Variants in PRKX observed in about 807,000 individuals in gnomAD.
PRKX encodes the protein protein kinase cAMP-dependent X-linked catalytic subunit.
In PRKX, 12 loss-of-function variants were observed where a neutral mutation model predicts 22.0. The observed-to-expected ratio is 0.54, with a 90% confidence interval of 0.35 to 0.88. PRKX has a LOEUF of 0.88. Among genes scored for constraint, PRKX ranks in the 40% least tolerant of loss-of-function variants. The pLI is 0.01. For missense variants in PRKX, 217 were observed against 308.0 expected, an observed-to-expected ratio of 0.70 and a Z score of 2.21; for synonymous variants, 134 against 137.7, an observed-to-expected ratio of 0.97 and a Z score of 0.19.
intron 4 of PRKX, among the ~76,000 whole-genome samples, chrX:3,629,119 C>T (rs980529210): frequency 6.2e-5 from 7 of 112,399 alleles, no homozygotes; most frequent in Admixed American, 4.7e-4. Context: ...GAACAGGACA[C>T]CTTTCTCGAG....
chrX:3,631,792 C>G (rs1454703631), intron 4 of PRKX, among the ~76,000 whole-genome samples: 4 of 112,427 alleles, frequency 3.6e-5, no homozygotes, highest in African/African-American at 9.7e-5. Context: ...GATGCTGGAG[C>G]CCCCAGGAAC....
intron 1 of PRKX, among the ~76,000 whole-genome samples, chrX:3,689,604 C>CT (rs1928257719): frequency 8.9e-6 from 1 of 111,814 alleles, no homozygotes; most frequent in African/African-American, 3.3e-5. Flanking sequence ...CACTTGAGCC[C>CT]AGGAGTTCAA....
At chrX:3,660,761 T>C (rs1927578111) in intron 2 of PRKX, among the ~76,000 whole-genome samples, 1 of 111,682 alleles carries the variant, frequency 9.0e-6, no homozygotes, top group Admixed American at 9.6e-5. Flanking sequence ...ACGCAAGCCC[T>C]GACAATACAA....
chrX:3,688,629 GAA>G (rs1186741694), intron 1 of PRKX, among the ~76,000 whole-genome samples: 2 of 110,660 alleles, frequency 1.8e-5, no homozygotes, highest in African/African-American at 6.6e-5. Context: ...TTAGAAGGCT[GAA>G]GCAGAAGGAT....
intron 6 of PRKX, among the ~76,000 whole-genome samples, chrX:3,617,587 A>G (rs748785135): frequency 1.8e-5 from 2 of 110,765 alleles, no homozygotes; most frequent in East Asian, 5.7e-4. Context: ...TCAAGGCTGC[A>G]GTGAGCTGTG....
Position 3,626,502 on chromosome X carries a change from A to T in PRKX, c.732T>A (p.Phe244Leu). ...IFEMLSGFPP[F>L]FDDNPFGIYQ... is the part of the protein sequence containing the mutation. ...AAATGCCAAACGGGTTGTCATCAAAAAACGGAGGAAACCTGTTAGAAAAAC... is the reference window on the plus strand; with the variant it reads ...AAATGCCAAACGGGTTGTCATCAAATAACGGAGGAAACCTGTTAGAAAAAC... Residue 244 changes from phenylalanine to leucine, a missense_variant, in exon 5 of 9, where the codon TTT (phenylalanine) becomes TTA (leucine). Coordinates refer to ENST00000262848, the MANE Select transcript of PRKX (RefSeq NM_005044.5). 1.7e-6 allele frequency: 2 copies of T among 1,206,740 alleles called. No individual in the cohort carries two copies. Among genetic ancestry groups the T allele is most frequent in the Non-Finnish European group, 2.2e-6 (2 of 890,876 alleles).
Position 3,615,780 on chromosome X carries a change from G to A in PRKX, c.951+35C>T, listed in dbSNP as rs201619179. On this transcript the variant is annotated intron_variant, in intron 7 of 8. Coordinates refer to ENST00000262848, the MANE Select transcript of PRKX (RefSeq NM_005044.5). ...GCAGTCCCTGCTAATGGAAGAGCTC[G>A]GGCATACTGAGTCACCCACTGATAT... The A allele has an allele frequency of 3.9e-5, 44 of 1,135,398 alleles. No homozygotes were observed. In the African/African-American group the frequency reaches 5.8e-4, roughly 15 times the overall value. The allele number at this position is 1,135,398 out of a possible 1,213,427, so 93.6% of individuals were successfully genotyped here.
intron 4 of PRKX, among the ~76,000 whole-genome samples, chrX:3,639,404 GGGGTGGGTGCA>G (rs1378310772): frequency 8.5e-5 from 1 of 11,723 alleles, no homozygotes; most frequent in Non-Finnish European, 1.7e-4. Flanking sequence ...GAGGGGTGGG[GGGGTGGGTGCA>G]TGGATGGATG....
At chrX:3,695,866 C>T (rs12387694) in intron 1 of PRKX, among the ~76,000 whole-genome samples, 1,233 of 111,720 alleles carry the variant, frequency 0.011, 21 homozygotes, top group African/African-American at 0.038. Flanking sequence ...CAGGTTTCTT[C>T]GGTGTAAATG....
At chrX:3,698,616 G>A (rs1269390513) in intron 1 of PRKX, among the ~76,000 whole-genome samples, 1 of 111,061 alleles carries the variant, frequency 9.0e-6, no homozygotes, top group Non-Finnish European at 1.9e-5. Flanking sequence ...TCTCACTGCC[G>A]CTCAGGCTGG....
chrX:3,642,128 T>C (rs1335842978), intron 3 of PRKX, among the ~76,000 whole-genome samples, 157 bp from the exon 4 acceptor site: 4 of 111,052 alleles, frequency 3.6e-5, no homozygotes, highest in Admixed American at 1.9e-4. Context: ...GACAGTAACA[T>C]TGTTTTCGCT....
rs762522125 is a variant in PRKX, at chrX:3,612,278, G to A, written c.999C>T (p.Phe333=). Residue 333 remains phenylalanine, a synonymous_variant, in exon 8 of 9, where the codon TTC becomes TTT. Transcript: ENST00000262848. The stretch of plus-strand genomic sequence containing the variant: ...CCCAGTCATTCTCAGGGTAAGTTTC[G>A]AAGTTGGAAGTGTCGCCGTCACCAG... ...KIAGDGDTSN[F]ETYPENDWDT... is the part of the protein sequence containing the mutation. 6.8e-5 allele frequency: 82 copies of A among 1,208,483 alleles called. No individual in the cohort carries two copies. Among genetic ancestry groups the A allele is most frequent in the Admixed American group, 1.5e-4 (7 of 45,445 alleles).
intron 1 of PRKX, among the ~76,000 whole-genome samples, chrX:3,696,073 G>A (rs1928436652): frequency 1.8e-5 from 2 of 111,000 alleles, no homozygotes; most frequent in African/African-American, 6.6e-5. Flanking sequence ...GGGGCCTTTG[G>A]GAGGTGTTGA....
chrX:3,664,648 C>T (rs1320166468), intron 2 of PRKX, among the ~76,000 whole-genome samples: 2 of 112,182 alleles, frequency 1.8e-5, no homozygotes, highest in Non-Finnish European at 3.8e-5. Flanking sequence ...AAAATAAAAT[C>T]ATGTCTTTTG....
intron 1 of PRKX, among the ~76,000 whole-genome samples, chrX:3,684,781 G>A (rs1163656578): frequency 4.5e-5 from 5 of 110,853 alleles, no homozygotes; most frequent in Non-Finnish European, 9.5e-5. Context: ...TCCTCTATGT[G>A]CGTCTGTGTC....
intron 1 of PRKX, among the ~76,000 whole-genome samples, chrX:3,682,947 A>G (rs1370047836): frequency 9.1e-6 from 1 of 110,129 alleles, no homozygotes; most frequent in African/African-American, 3.3e-5. Flanking sequence ...TTCCTGTAAG[A>G]GAAGAAGAGA....
In PRKX at chrX:3,666,257, C is replaced by A. The variant is rs1435366115; in HGVS notation, c.335+8341G>T. Among the ~76,000 whole-genome samples the A allele has an allele frequency of 3.8e-5, 4 of 106,059 alleles. No individual in the cohort carries two copies. The South Asian group carries it at 1.7e-3, about 46-fold the overall frequency. 92.1% of individuals were successfully genotyped at this position (106,059 alleles called of 115,157 possible). On this transcript the variant is annotated intron_variant, in intron 2 of 8. Coordinates refer to ENST00000262848, the MANE Select transcript of PRKX (RefSeq NM_005044.5). Reference sequence around the variant, plus strand: ...GCAAACTCTGCCTCCCAGGTTCATGCCGTTCTCCTGCCTCAGCCTCCCAAG... The same window carrying A: ...GCAAACTCTGCCTCCCAGGTTCATGACGTTCTCCTGCCTCAGCCTCCCAAG...
chrX:3,614,677 T>C (rs1314181795), intron 7 of PRKX, among the ~76,000 whole-genome samples: 1 of 111,080 alleles, frequency 9.0e-6, no homozygotes, highest in Non-Finnish European at 1.9e-5. Context: ...ATAAACATAA[T>C]GTTAGATAAA....
At chrX:3,627,493 G>A (rs1026995565) in intron 4 of PRKX, among the ~76,000 whole-genome samples, 8 of 106,173 alleles carry the variant, frequency 7.5e-5, no homozygotes, top group African/African-American at 1.0e-4. Flanking sequence ...ACAGGATCTC[G>A]CTCTGTCTCC....
Sources: allele counts gnomAD v4.1 joint callset (sites outside exome capture counted in the v4.1 genomes callset), GRCh38; gene constraint gnomAD v4.1.1; transcripts MANE v1.5; gene names NCBI Gene and HGNC (gene_info 2026-07-23, HGNC 2026-07-21).